Variants in CTNNA1 observed in about 807,000 individuals in gnomAD.
CTNNA1 encodes catenin alpha 1, also known as catenin alpha-1.
Under a neutral mutation model 98.4 loss-of-function variants are expected in CTNNA1, and 37 were observed. The ratio of observed to expected loss-of-function variants is 0.38; its 90% CI spans 0.29 to 0.49. The LOEUF is 0.49. Ranked by LOEUF, CTNNA1 falls within the 20% of genes least tolerant of loss-of-function variation. The pLI is 0.95. For synonymous variants in CTNNA1, 404 were observed against 413.2 expected (o/e 0.98, Z 0.27); for missense variants, 761 against 1,147.2 (o/e 0.66, Z 4.86).
intron 16 of CTNNA1, 38 bp from the exon 17 acceptor site, chr5:138,932,540 G>C: frequency 6.2e-7 from 1 of 1,611,022 alleles, no homozygotes; most frequent in Non-Finnish European, 8.5e-7. Flanking sequence ...GCTTGGGCCA[G>C]GCCAGGATAC....
At chr5:138,832,524 A>C (rs1761364881) in intron 7 of CTNNA1, among the ~76,000 whole-genome samples, 1 of 152,232 alleles carries the variant, frequency 6.6e-6, no homozygotes, top group Non-Finnish European at 1.5e-5. Context: ...AAGGTTTAAA[A>C]GTGAATGGAT....
intron 7 of CTNNA1, among the ~76,000 whole-genome samples, chr5:138,863,162 T>C (rs180915540): frequency 6.6e-6 from 1 of 152,104 alleles, no homozygotes; most frequent in East Asian, 1.9e-4. Flanking sequence ...TTTTTTTTAA[T>C]GGCTTCTAGA....
At chr5:138,852,980 G>T (rs532524026) in intron 7 of CTNNA1, among the ~76,000 whole-genome samples, 28 of 152,058 alleles carry the variant, frequency 1.8e-4, no homozygotes, top group South Asian at 8.3e-4. Context: ...GGAAATCCTT[G>T]CAAGCCTTCT....
At position 138,934,107 on chromosome 5, in the gene CTNNA1, GC is replaced by G. The variant is rs777529369; in HGVS notation, c.*23del. On this transcript the variant is annotated 3_prime_UTR_variant, in exon 18 of 18. Transcript: ENST00000302763. ...GCATCTAAGTCTGCCCAGGCCGGCC[GC>G]CCCCACCCCTCGGGGCTCCTGAATA... 3 of 1,597,016 alleles carry G rather than the reference GC, an allele frequency of 1.9e-6. No homozygotes were observed. The highest frequency in any genetic ancestry group is 2.2e-5 in the East Asian group (1 of 44,722).
At chr5:138,920,560 C>T (rs1762722574) in intron 11 of CTNNA1, among the ~76,000 whole-genome samples, 3 of 152,342 alleles carry the variant, frequency 2.0e-5, no homozygotes, top group Middle Eastern at 3.4e-3. Context: ...GGCTTCATAG[C>T]TTTTACTAAA....
chr5:138,904,538 G>A, intron 10 of CTNNA1, 97 bp downstream of exon 10: 2 of 1,460,432 alleles, frequency 1.4e-6, no homozygotes, highest in East Asian at 2.4e-5. Context: ...TTGTTTTTAG[G>A]ATTTTAGATG....
At chr5:138,900,882 G>C (rs1008829697) in intron 9 of CTNNA1, among the ~76,000 whole-genome samples, 3 of 152,134 alleles carry the variant, frequency 2.0e-5, no homozygotes, top group African/African-American at 7.2e-5. Flanking sequence ...CCACACAGTA[G>C]GCACAGATGG....
rs1369879879 is a variant in CTNNA1 at position 138,860,492 on chromosome 5, T to TTG, written c.1063-25719_1063-25718insGT. ...TCTTAGACTGGCAGGGTTTGGTTTT[T>TTG]TTTGTTTGTTTTGTTTTGTTTTGTT... On this transcript the variant is annotated intron_variant, in intron 7 of 17. Transcript: ENST00000302763. 2.2e-4 allele frequency among the ~76,000 whole-genome samples: 21 copies of TTG among 93,610 alleles called. No homozygotes were observed. In the Admixed American group the frequency reaches 2.6e-3, roughly 12 times the overall value. 61.4% of individuals were successfully genotyped at this position (93,610 alleles called of 152,430 possible).
intron 3 of CTNNA1, among the ~76,000 whole-genome samples, chr5:138,807,639 T>C (rs1410649078): frequency 6.6e-6 from 1 of 152,126 alleles, no homozygotes; most frequent in African/African-American, 2.4e-5. Flanking sequence ...GATTTGTTTG[T>C]TTTTAGTGTG....
chr5:138,854,542 T>C (rs1476859774), intron 7 of CTNNA1, among the ~76,000 whole-genome samples: 3 of 152,174 alleles, frequency 2.0e-5, no homozygotes, highest in African/African-American at 7.2e-5. Context: ...GACAGAACAG[T>C]TCAACAGACT....
At chr5:138,889,899 C>T (rs1395397993) in intron 9 of CTNNA1, among the ~76,000 whole-genome samples, 8 of 152,188 alleles carry the variant, frequency 5.3e-5, no homozygotes, top group Admixed American at 5.2e-4. Flanking sequence ...GTAGAAGCCT[C>T]AAATTCCTGA....
intron 3 of CTNNA1, among the ~76,000 whole-genome samples, chr5:138,784,968 T>A (rs1403472942): frequency 1.3e-5 from 2 of 152,218 alleles, no homozygotes; most frequent in Non-Finnish European, 2.9e-5. Context: ...AAAGACCCTG[T>A]TTCCAAATAA....
At chr5:138,769,675 G>C (rs1171503892) in intron 1 of CTNNA1, among the ~76,000 whole-genome samples, 1 of 151,872 alleles carries the variant, frequency 6.6e-6, no homozygotes, top group East Asian at 1.9e-4. Context: ...TGCGATTACA[G>C]GCCCTGCGCC....
chr5:138,769,496 C>T (rs1012140413), intron 1 of CTNNA1, among the ~76,000 whole-genome samples: 2 of 151,920 alleles, frequency 1.3e-5, no homozygotes, highest in African/African-American at 2.4e-5. Context: ...TCAAGTGATT[C>T]TCCTGCCTCA....
Position 138,861,168 on chromosome 5 carries a change from G to A in CTNNA1, c.1063-25044G>A, listed in dbSNP as rs140044405. Reference sequence around the variant, plus strand: ...CCTGAGTGGCTGGGATTACAGGCACGCACCACCATGCCTGGCTAATTTTTG... The same window carrying A: ...CCTGAGTGGCTGGGATTACAGGCACACACCACCATGCCTGGCTAATTTTTG... On this transcript the variant is annotated intron_variant, in intron 7 of 17. Transcript: ENST00000302763. 3.9e-5 allele frequency among the ~76,000 whole-genome samples: 6 copies of A among 151,952 alleles called. No homozygotes were observed. The East Asian group carries it at 9.7e-4, about 25-fold the overall frequency.
At chr5:138,790,319 T>C (rs1756216599) in intron 3 of CTNNA1, among the ~76,000 whole-genome samples, 1 of 152,230 alleles carries the variant, frequency 6.6e-6, no homozygotes, top group South Asian at 2.1e-4. Flanking sequence ...TTGAGGCATT[T>C]AGGGTGGTGT....
intron 1 of CTNNA1, among the ~76,000 whole-genome samples, chr5:138,773,261 C>A (rs115124360): frequency 6.6e-6 from 1 of 152,056 alleles, no homozygotes; most frequent in Non-Finnish European, 1.5e-5. Flanking sequence ...GAAGACGATA[C>A]GAGCTAAAAT....
intron 1 of CTNNA1, among the ~76,000 whole-genome samples, chr5:138,757,426 GC>G (rs574460354): frequency 1.3e-5 from 2 of 152,088 alleles, no homozygotes; most frequent in Non-Finnish European, 2.9e-5. Context: ...CTATGATCAT[GC>G]CCCTGCACTC....
chr5:138,851,377 C>T (rs1408637191), intron 7 of CTNNA1, among the ~76,000 whole-genome samples: 2 of 152,106 alleles, frequency 1.3e-5, no homozygotes, highest in East Asian at 1.9e-4. Flanking sequence ...TGCTACTTTG[C>T]CTGTGGGTGA....
Sources: gnomAD v4.1 joint callset for allele counts (sites outside exome capture counted in the v4.1 genomes callset) on GRCh38, gnomAD v4.1.1 for gene constraint, MANE v1.5 for transcripts, NCBI Gene and HGNC (gene_info 2026-07-23, HGNC 2026-07-21) for gene names.